Variants in CNST observed in about 807,000 individuals in gnomAD.
CNST encodes consortin.
In CNST, 39 loss-of-function variants were observed where a neutral mutation model predicts 72.4. The observed-to-expected ratio is 0.54, with a 90% CI of 0.42 to 0.70. The LOEUF is 0.70. Ranked by LOEUF, CNST falls within the 30% of genes least tolerant of loss-of-function variation. CNST has a pLI of 0.00. For synonymous variants in CNST, 332 were observed against 320.1 expected (o/e 1.04, Z -0.40); for missense variants, 871 against 868.5 (o/e 1.00, Z -0.04).
chr1:246,630,515 T>G lies in CNST; in HGVS notation c.586-1379T>G, dbSNP rs141311083. Among the ~76,000 whole-genome samples the G allele has an allele frequency of 1.1e-3, 161 of 152,284 alleles. 1 individual carries two copies. Among genetic ancestry groups the G allele is most frequent in the African/African-American group, 3.8e-3 (157 of 41,568 alleles). ...TCATCTACATGGCTCATGGAAAAAA[T>G]GTCACATTTGTAGGATTTAAACTAG... On this transcript the variant is annotated intron_variant, in intron 3 of 10. Transcript: ENST00000366513.
chr1:246,615,997 T>C (rs1474225014), intron 2 of CNST, among the ~76,000 whole-genome samples: 28 of 152,224 alleles, frequency 1.8e-4, no homozygotes, highest in Admixed American at 1.8e-3. Flanking sequence ...AATGTGCCTG[T>C]TACTGTCTTT....
At chr1:246,580,362 T>C (rs897002441) in intron 1 of CNST, among the ~76,000 whole-genome samples, 4 of 152,212 alleles carry the variant, frequency 2.6e-5, no homozygotes, top group African/African-American at 9.6e-5. Flanking sequence ...TTGAGTAAAT[T>C]CTAAAAATAA....
intron 9 of CNST, among the ~76,000 whole-genome samples, chr1:246,650,038 A>G (rs926860874): frequency 1.1e-4 from 16 of 151,798 alleles, no homozygotes; most frequent in Admixed American, 7.2e-4. Flanking sequence ...TTCCCAAATT[A>G]TTTTTCCCCA....
intron 9 of CNST, among the ~76,000 whole-genome samples, chr1:246,652,840 T>G (rs1469827181): frequency 6.7e-6 from 1 of 150,054 alleles, no homozygotes; most frequent in Non-Finnish European, 1.5e-5. Context: ...CCGTCTCTAC[T>G]AAAAATACAA....
intron 4 of CNST, 114 bp from the exon 5 acceptor site, chr1:246,633,810 C>A: frequency 1.6e-6 from 1 of 631,868 alleles, no homozygotes; most frequent in South Asian, 2.1e-5. Flanking sequence ...TATTTAGAGT[C>A]CTCTCATGTT....
chr1:246,640,855 CAT>C, intron 6 of CNST, among the ~76,000 whole-genome samples: 1 of 152,218 alleles, frequency 6.6e-6, no homozygotes, highest in East Asian at 1.9e-4. Context: ...TCAAGTTACA[CAT>C]AAAGTGTACA....
intron 1 of CNST, among the ~76,000 whole-genome samples, chr1:246,591,049 C>G (rs1661518277): frequency 1.3e-5 from 2 of 151,962 alleles, no homozygotes; most frequent in Non-Finnish European, 2.9e-5. Flanking sequence ...CCAAATATTG[C>G]TGCTGTTTAG....
chr1:246,573,567 T>A (rs1183636319), intron 1 of CNST, among the ~76,000 whole-genome samples: 1 of 152,196 alleles, frequency 6.6e-6, no homozygotes, highest in African/African-American at 2.4e-5. Context: ...CTGTCTCCAC[T>A]GCATAGCTGG....
chr1:246,570,514 T>G (rs560249870), intron 1 of CNST, among the ~76,000 whole-genome samples: 2 of 152,148 alleles, frequency 1.3e-5, no homozygotes, highest in Non-Finnish European at 2.9e-5. Flanking sequence ...ATGAAGAAAT[T>G]TTAAATTACC....
At chr1:246,654,944 A>T (rs1666691523) in intron 9 of CNST, among the ~76,000 whole-genome samples, 1 of 152,202 alleles carries the variant, frequency 6.6e-6, no homozygotes, top group Admixed American at 6.5e-5. Context: ...AGAGGGAGAG[A>T]CACGTAATAA....
chr1:246,639,215 G>A (rs1665517605), intron 6 of CNST, among the ~76,000 whole-genome samples: 2 of 152,216 alleles, frequency 1.3e-5, no homozygotes, highest in South Asian at 4.1e-4. Flanking sequence ...GGTTTGGTGA[G>A]GTCTGGGAGA....
chr1:246,636,176 C>CG (rs1665222603), intron 6 of CNST, among the ~76,000 whole-genome samples: 1 of 152,032 alleles, frequency 6.6e-6, no homozygotes, highest in African/African-American at 2.4e-5. Context: ...GACCAGGCTC[C>CG]AGGGGGTAAC....
intron 2 of CNST, among the ~76,000 whole-genome samples, chr1:246,611,210 T>G (rs551081763): frequency 1.3e-5 from 2 of 152,320 alleles, no homozygotes; most frequent in Non-Finnish European, 2.9e-5. Flanking sequence ...TAAGGGCAAG[T>G]AAAAACACCC....
At chr1:246,610,305 C>A (rs1012317409) in intron 2 of CNST, among the ~76,000 whole-genome samples, 1 of 151,996 alleles carries the variant, frequency 6.6e-6, no homozygotes, top group Non-Finnish European at 1.5e-5. Context: ...AAACAAAAAA[C>A]CTCCCCATTC....
intron 1 of CNST, among the ~76,000 whole-genome samples, chr1:246,589,620 G>C (rs1661417745): frequency 6.6e-6 from 1 of 152,118 alleles, no homozygotes; most frequent in Non-Finnish European, 1.5e-5. Flanking sequence ...AATCCTTTGG[G>C]TGTATACCCA....
chr1:246,656,965 T>C (rs1558597745), intron 9 of CNST, among the ~76,000 whole-genome samples: 2 of 152,058 alleles, frequency 1.3e-5, no homozygotes, highest in African/African-American at 4.8e-5. Context: ...AAATAATAGT[T>C]TGGAGGGAAC....
intron 1 of CNST, among the ~76,000 whole-genome samples, chr1:246,573,886 A>G (rs745347729): frequency 1.4e-4 from 21 of 152,248 alleles, no homozygotes; most frequent in Non-Finnish European, 2.2e-4. Flanking sequence ...GAATGTCTCT[A>G]TAGATTATTC....
intron 10 of CNST, among the ~76,000 whole-genome samples, chr1:246,665,380 A>G (rs1667345623): frequency 6.6e-6 from 1 of 152,220 alleles, no homozygotes; most frequent in Non-Finnish European, 1.5e-5. Flanking sequence ...TCTAAAAAAC[A>G]AACAAAAATG....
chr1:246,621,180 C>A (rs1050888955), intron 2 of CNST, among the ~76,000 whole-genome samples: 1 of 152,154 alleles, frequency 6.6e-6, no homozygotes, highest in African/African-American at 2.4e-5. Context: ...TTTGACTAGC[C>A]ATTAGCTCTG....
Sources: allele counts gnomAD v4.1 joint callset (sites outside exome capture counted in the v4.1 genomes callset), GRCh38; gene constraint gnomAD v4.1.1; transcripts MANE v1.5; gene names NCBI Gene and HGNC (gene_info 2026-07-23, HGNC 2026-07-21).